UGGT2: variants seen among roughly 807,000 people sequenced by gnomAD.
UGGT2 encodes the protein UDP-glucose glycoprotein glucosyltransferase 2.
A neutral mutation model predicts 192.1 loss-of-function variants in UGGT2; 180 were observed. That is an observed-to-expected ratio of 0.94 (90% CI 0.83 to 1.06). The LOEUF is 1.06. Ranked by LOEUF, UGGT2 falls within the 50% of genes least tolerant of loss-of-function variation. The pLI, the probability that UGGT2 is intolerant of heterozygous loss-of-function variation, is 0.00. For synonymous variants in UGGT2, 580 were observed against 591.0 expected (o/e 0.98, Z 0.27); for missense variants, 1,849 against 1,795.7 (o/e 1.03, Z -0.54).
At position 95,949,572 on chromosome 13, in the gene UGGT2, TTAAA is replaced by T. The variant is rs527771825; in HGVS notation, c.1336-122_1336-119del. 2.4e-5 allele frequency: 25 copies of T among 1,032,068 alleles called. 1 individual carries two copies. The highest frequency in any genetic ancestry group is 1.3e-4 in the African/African-American group (8 of 59,852). The allele number at this position is 1,032,068 out of a possible 1,614,324, so 63.9% of individuals were successfully genotyped here. Reference sequence around the variant, plus strand: ...TACATAGAATTTTCTATATTTCTGATTAAATAGAGGAGCTAGTTTAATATTCTCT... The same window carrying T: ...TACATAGAATTTTCTATATTTCTGATTAGAGGAGCTAGTTTAATATTCTCT... On this transcript the variant is annotated intron_variant, in intron 12 of 38. Transcript: ENST00000376747.
intron 38 of UGGT2, among the ~76,000 whole-genome samples, chr13:95,814,767 G>C (rs974604698): frequency 2.5e-4 from 38 of 152,044 alleles, no homozygotes; most frequent in Non-Finnish European, 1.0e-4. Flanking sequence ...ATTAACACCA[G>C]ATAAAGGCAT....
intron 27 of UGGT2, among the ~76,000 whole-genome samples, chr13:95,883,388 G>C (rs1015309315): frequency 5.3e-5 from 8 of 152,016 alleles, no homozygotes; most frequent in Non-Finnish European, 8.8e-5. Flanking sequence ...AGGAAGTAAG[G>C]ACAATAAGGA....
intron 38 of UGGT2, 47 bp downstream of exon 38, chr13:95,832,880 A>G (rs781753680): frequency 1.2e-6 from 2 of 1,603,308 alleles, no homozygotes; most frequent in Non-Finnish European, 1.7e-6. Context: ...TTCTAATCTC[A>G]TTAATGCAAC....
At chr13:95,936,822 G>A (rs9525093) in intron 17 of UGGT2, 102 bp downstream of exon 17, 431,992 of 1,121,462 alleles carry the variant, frequency 0.39, 85,553 homozygotes, top group Admixed American at 0.45. Flanking sequence ...TGATCAGAAT[G>A]GAAATTTTTT....
At chr13:96,017,434 C>T (rs1485468464) in intron 4 of UGGT2, among the ~76,000 whole-genome samples, 1 of 152,130 alleles carries the variant, frequency 6.6e-6, no homozygotes, top group African/African-American at 2.4e-5. Context: ...TGTAAGGTTC[C>T]TGAGGCTCTC....
chr13:95,931,362 C>T (rs1408597186), intron 17 of UGGT2, among the ~76,000 whole-genome samples: 1 of 152,210 alleles, frequency 6.6e-6, no homozygotes, highest in Non-Finnish European at 1.5e-5. Context: ...GACTCTGGAG[C>T]CCAGGGGCTT....
intron 16 of UGGT2, among the ~76,000 whole-genome samples, chr13:95,939,020 GTT>G (rs569247454): frequency 1.3e-3 from 192 of 152,218 alleles, no homozygotes; most frequent in African/African-American, 4.3e-3. Context: ...TGCCTTTCAG[GTT>G]TTTCACTGTT....
chr13:95,815,254 G>T (rs1345243859), intron 38 of UGGT2, among the ~76,000 whole-genome samples: 1 of 152,012 alleles, frequency 6.6e-6, no homozygotes, highest in African/African-American at 2.4e-5. Context: ...TATGAAGACT[G>T]GAAAGGAAAA....
In UGGT2 at chr13:95,997,315, A is replaced by G. The variant is rs769758924; in HGVS notation, c.758-1180T>C. On this transcript the variant is annotated intron_variant, in intron 6 of 38. Coordinates refer to ENST00000376747, the MANE Select transcript of UGGT2 (RefSeq NM_020121.4). ...AGAGAAGAGCATTCTCTAACAGAGC[A>G]GCAAGATAGGCAGCCATCTCAGAGG... 3.3e-5 allele frequency among the ~76,000 whole-genome samples: 5 copies of G among 152,318 alleles called. No individual in the cohort carries two copies. In the South Asian group the frequency reaches 6.2e-4, roughly 19 times the overall value.
intron 30 of UGGT2, among the ~76,000 whole-genome samples, chr13:95,864,404 T>C (rs1438260908): frequency 6.6e-6 from 1 of 152,220 alleles, no homozygotes; most frequent in Non-Finnish European, 1.5e-5. Flanking sequence ...AATGTAAAGA[T>C]TAACCACTGA....
At chr13:96,017,121 C>T (rs2052363368) in intron 4 of UGGT2, among the ~76,000 whole-genome samples, 1 of 152,096 alleles carries the variant, frequency 6.6e-6, no homozygotes, top group South Asian at 2.1e-4. Flanking sequence ...CATCTCTGTA[C>T]CTTGGAAGTA....
chr13:95,863,019 C>A (rs954728731), intron 31 of UGGT2, among the ~76,000 whole-genome samples: 7 of 151,978 alleles, frequency 4.6e-5, no homozygotes, highest in African/African-American at 1.7e-4. Context: ...CATGCCATCA[C>A]AACAGGCTAA....
At chr13:95,878,507 T>A (rs1258460597) in intron 27 of UGGT2, among the ~76,000 whole-genome samples, 1 of 152,168 alleles carries the variant, frequency 6.6e-6, no homozygotes, top group Non-Finnish European at 1.5e-5. Context: ...AAATATCATT[T>A]TAAATGGCTG....
intron 26 of UGGT2, among the ~76,000 whole-genome samples, chr13:95,886,672 A>T (rs1240463166): frequency 1.3e-5 from 2 of 152,220 alleles, no homozygotes; most frequent in African/African-American, 4.8e-5. Context: ...GACAATGAAT[A>T]AGTCCTAAAC....
At chr13:95,856,725 T>G in intron 33 of UGGT2, 3 of 368,684 alleles carry the variant, frequency 8.1e-6, no homozygotes, top group Non-Finnish European at 1.5e-5. Context: ...GTCAACAGGT[T>G]GGTTGGTCAG....
chr13:95,868,981 C>A (rs1160492892), intron 29 of UGGT2, among the ~76,000 whole-genome samples: 1 of 151,474 alleles, frequency 6.6e-6, no homozygotes, highest in Non-Finnish European at 1.5e-5. Context: ...GTGTGCTGCA[C>A]CCATTAACTC....
At chr13:95,879,089 A>G (rs978360951) in intron 27 of UGGT2, among the ~76,000 whole-genome samples, 6 of 152,204 alleles carry the variant, frequency 3.9e-5, no homozygotes, top group Non-Finnish European at 7.4e-5. Context: ...AAGATTGTAG[A>G]GATCATGTAG....
At chr13:95,944,776 A>G (rs955876238) in intron 15 of UGGT2, among the ~76,000 whole-genome samples, 10 of 151,966 alleles carry the variant, frequency 6.6e-5, no homozygotes, top group African/African-American at 2.2e-4. Context: ...ATGCAAAATC[A>G]TCTCATTCTC....
chr13:96,028,616 A>AT (rs1197612248), intron 2 of UGGT2, among the ~76,000 whole-genome samples: 1 of 152,204 alleles, frequency 6.6e-6, no homozygotes, highest in Non-Finnish European at 1.5e-5. Context: ...AAAAAGTCTT[A>AT]ATTTGCTGGC....
Sources: allele counts gnomAD v4.1 joint callset (sites outside exome capture counted in the v4.1 genomes callset), GRCh38; gene constraint gnomAD v4.1.1; transcripts MANE v1.5; gene names NCBI Gene and HGNC (gene_info 2026-07-23, HGNC 2026-07-21).